Variants in MRPL18 observed in about 807,000 individuals in gnomAD.
The protein encoded by MRPL18 is large ribosomal subunit protein uL18m.
A neutral mutation model predicts 20.9 loss-of-function variants in MRPL18; 16 were observed. That is an observed-to-expected ratio of 0.76 (90% confidence interval 0.52 to 1.16). MRPL18 has a LOEUF of 1.16. Ranked by LOEUF, MRPL18 falls within the 50% of genes most tolerant of loss-of-function variation. The probability of loss-of-function intolerance (pLI) is 0.00; values close to 1 mark genes in which losing one functional copy is unlikely to be tolerated. For synonymous variants in MRPL18, 91 were observed against 87.1 expected, an observed-to-expected ratio of 1.04 and a Z score of -0.25; for missense variants, 233 against 230.6, an observed-to-expected ratio of 1.01 and a Z score of -0.07.
At chr6:159,793,378 A>G (rs1780953364) in intron 2 of MRPL18, among the ~76,000 whole-genome samples, 1 of 152,114 alleles carries the variant, frequency 6.6e-6, no homozygotes, top group Non-Finnish European at 1.5e-5. Flanking sequence ...TTTAAGTTAA[A>G]AAAAAAATCA....
chr6:159,790,612 G>A lies in MRPL18; in HGVS notation c.25G>A (p.Gly9Arg), dbSNP rs1562487644. The A allele has an allele frequency of 6.5e-7, 1 of 1,537,302 alleles. No homozygotes were observed. The highest frequency in any genetic ancestry group is 2.3e-5 in the East Asian group (1 of 43,018). ...GATGGCGCTTCGGTCGCGGTTTTGG[G>A]GGTTGTTCTCGGTTTGCAGGAACCC... The part of the protein sequence containing the change: MALRSRFW[G>R]LFSVCRNPGC... The change falls in exon 1 of 4, where the codon GGG becomes AGG. Residue 9 changes from glycine (G) to arginine (R), a missense_variant. Physicochemically the swap from Gly to Arg is moderately radical, Grantham distance 125. Coordinates refer to ENST00000367034, the MANE Select transcript of MRPL18 (RefSeq NM_014161.5).
At chr6:159,796,675 T>C (rs1781036411) in intron 2 of MRPL18, among the ~76,000 whole-genome samples, 1 of 152,038 alleles carries the variant, frequency 6.6e-6, no homozygotes, top group Non-Finnish European at 1.5e-5. Flanking sequence ...TGCCAACTAC[T>C]TGGGAGACTA....
Position 159,798,068 on chromosome 6 carries a change from G to C in MRPL18, c.488G>C (p.Ser163Thr), listed in dbSNP as rs778843592. Residue 163 changes from serine (S) to threonine (T), a missense_variant, in exon 4 of 4, where the codon AGT becomes ACT. Coordinates refer to ENST00000367034, the MANE Select transcript of MRPL18 (RefSeq NM_014161.5). Reference protein sequence around the residue: ...AASDSMKRLQSAMTEGGVVLR... With the variant: ...AASDSMKRLQTAMTEGGVVLR... The stretch of plus-strand genomic sequence containing the variant: ...CAAAACCAGATGAAACGACTACAAA[G>C]TGCCATGACAGAAGGTGGTGTGGTT... The C allele has an allele frequency of 2.5e-6, 4 of 1,613,670 alleles. No individual in the cohort carries two copies. The highest frequency in any genetic ancestry group is 3.4e-6 in the Non-Finnish European group (4 of 1,179,852).
chr6:159,794,312 G>T (rs554664623), intron 2 of MRPL18, among the ~76,000 whole-genome samples: 9 of 152,086 alleles, frequency 5.9e-5, no homozygotes, highest in Admixed American at 4.6e-4. Flanking sequence ...CCAGACACTG[G>T]GACTTAAACC....
At chr6:159,793,700 G>A (rs1413966070) in intron 2 of MRPL18, among the ~76,000 whole-genome samples, 5 of 152,178 alleles carry the variant, frequency 3.3e-5, no homozygotes, top group African/African-American at 1.2e-4. Flanking sequence ...ACGAGGTCAG[G>A]AGATCAAGAC....
chr6:159,796,979 G>A (rs975721212), intron 2 of MRPL18, among the ~76,000 whole-genome samples: 2 of 151,458 alleles, frequency 1.3e-5, no homozygotes, highest in African/African-American at 4.8e-5. Flanking sequence ...TCCATGTCAT[G>A]CATATGTTCA....
At chr6:159,790,386 G>C (rs1295691164), upstream of MRPL18, 11 of 658,374 alleles carry the variant, frequency 1.7e-5, no homozygotes, top group Middle Eastern at 4.1e-4. Flanking sequence ...GCGATGATTG[G>C]CGATGAAGGA....
chr6:159,793,921 A>C (rs1780971591), intron 2 of MRPL18, among the ~76,000 whole-genome samples: 1 of 152,122 alleles, frequency 6.6e-6, no homozygotes, highest in Non-Finnish European at 1.5e-5. Flanking sequence ...CAAAAAAAAA[A>C]AAAGAGATTG....
At chr6:159,795,018 A>T (rs1177128602) in intron 2 of MRPL18, among the ~76,000 whole-genome samples, 1 of 152,218 alleles carries the variant, frequency 6.6e-6, no homozygotes, top group Non-Finnish European at 1.5e-5. Context: ...TCATAGACAA[A>T]GTAAAGAATC....
chr6:159,796,713 G>A (rs1046779430), intron 2 of MRPL18, among the ~76,000 whole-genome samples: 1 of 152,130 alleles, frequency 6.6e-6, no homozygotes, highest in Non-Finnish European at 1.5e-5. Flanking sequence ...GAGCCTAGGG[G>A]TTTGAGGCTA....
At chr6:159,797,719 T>C in intron 3 of MRPL18, among the ~76,000 whole-genome samples, 1 of 152,340 alleles carries the variant, frequency 6.6e-6, no homozygotes, top group Non-Finnish European at 1.5e-5. Flanking sequence ...TATACAGAAA[T>C]AAACTGAGGC....
chr6:159,796,491 A>C (rs959245442), intron 2 of MRPL18, among the ~76,000 whole-genome samples: 1 of 151,980 alleles, frequency 6.6e-6, no homozygotes, highest in Non-Finnish European at 1.5e-5. Flanking sequence ...AAAAAAAAAA[A>C]AAATGGCCAT....
chr6:159,791,816 A>T (rs575720027), intron 2 of MRPL18, among the ~76,000 whole-genome samples: 1 of 152,314 alleles, frequency 6.6e-6, no homozygotes, highest in South Asian at 2.1e-4. Flanking sequence ...GAGGCACGAG[A>T]ATCACTTGAA....
chr6:159,798,056 A>G lies in MRPL18; in HGVS notation c.476A>G (p.Lys159Arg), dbSNP rs767296541. ...TPWEAASDSM[K>R]RLQSAMTEGG... ...TTTTCTGATTTTCAAAACCAGATGA[A>G]ACGACTACAAAGTGCCATGACAGAA... The change falls in exon 4 of 4, where the codon AAA becomes AGA. Residue 159 changes from lysine to arginine, a missense_variant. Lys to Arg is a conservative substitution (Grantham distance 26). Coordinates refer to ENST00000367034, the MANE Select transcript of MRPL18 (RefSeq NM_014161.5). 6.2e-6 allele frequency: 10 copies of G among 1,613,422 alleles called. No homozygotes were observed. The Admixed American group carries it at 1.7e-4, about 27-fold the overall frequency.
chr6:159,797,959 A>G (rs1781078402), intron 3 of MRPL18, 93 bp from the exon 4 acceptor site: 12 of 1,070,670 alleles, frequency 1.1e-5, no homozygotes, highest in Middle Eastern at 2.0e-4. Flanking sequence ...GAACAAATCA[A>G]TTTATTTCTG....
At chr6:159,796,302 A>C (rs1252956372) in intron 2 of MRPL18, among the ~76,000 whole-genome samples, 2 of 151,638 alleles carry the variant, frequency 1.3e-5, no homozygotes, top group African/African-American at 2.4e-5. Context: ...CAATATGGCA[A>C]ACCCTGTCTC....
At chr6:159,791,189 A>C (rs917866987) in intron 2 of MRPL18, 63 bp downstream of exon 2, 92 of 1,571,088 alleles carry the variant, frequency 5.9e-5, no homozygotes, top group Non-Finnish European at 7.4e-5. Context: ...TCATTCATTC[A>C]ACTCCAGGCA....
At chr6:159,794,685 T>C (rs1780987273) in intron 2 of MRPL18, among the ~76,000 whole-genome samples, 1 of 152,234 alleles carries the variant, frequency 6.6e-6, no homozygotes, top group East Asian at 1.9e-4. Context: ...GTCATTAATA[T>C]TTTTCTTTTC....
rs1439298422 is a variant in MRPL18 at position 159,790,694 on chromosome 6, A to AT, written c.52+57dup. ...TCACTCGCCTGGGCTTGCACAGTACATTGGAACGTGCGGGTTCTATTTTGT... is the reference window on the plus strand; with the variant it reads ...TCACTCGCCTGGGCTTGCACAGTACATTTGGAACGTGCGGGTTCTATTTTGT... On this transcript the variant is annotated intron_variant, in intron 1 of 3. Transcript: ENST00000367034. 9 of 1,601,652 alleles carry AT rather than the reference A, an allele frequency of 5.6e-6. 1 individual carries two copies. The Admixed American group carries it at 1.4e-4, about 24-fold the overall frequency.
Sources: gnomAD v4.1 joint callset for allele counts (sites outside exome capture counted in the v4.1 genomes callset) on GRCh38, gnomAD v4.1.1 for gene constraint, MANE v1.5 for transcripts, NCBI Gene and HGNC (gene_info 2026-07-23, HGNC 2026-07-21) for gene names.